The following PALS1 variants were observed in gnomAD, a reference collection of about 807,000 sequenced individuals.
PALS1 encodes the protein protein PALS1.
A neutral mutation model predicts 78.9 loss-of-function variants in PALS1; 31 were observed. The observed-to-expected ratio is 0.39, with a 90% CI of 0.30 to 0.53. The LOEUF (loss-of-function observed/expected upper bound fraction) is 0.53. PALS1 is among the 20% of genes least tolerant of loss of function. PALS1 has a pLI of 0.67. For synonymous variants in PALS1, 276 were observed against 270.9 expected, an observed-to-expected ratio of 1.02 and a Z score of -0.18; for missense variants, 704 against 826.5, an observed-to-expected ratio of 0.85 and a Z score of 1.82.
chr14:67,265,983 ATT>A (rs2084316382), intron 1 of PALS1, among the ~76,000 whole-genome samples: 2 of 152,090 alleles, frequency 1.3e-5, no homozygotes, highest in South Asian at 4.1e-4. Context: ...AGTATTATTT[ATT>A]TTTTGTAGAG....
intron 8 of PALS1, among the ~76,000 whole-genome samples, chr14:67,305,483 G>A (rs2084988694): frequency 6.6e-6 from 1 of 152,138 alleles, no homozygotes; most frequent in African/African-American, 2.4e-5. Flanking sequence ...CTTTCACTAT[G>A]TTGCCCAGGC....
chr14:67,294,910 G>T (rs1197971773), intron 4 of PALS1: 1 of 151,966 alleles, frequency 6.6e-6, no homozygotes, highest in Non-Finnish European at 1.5e-5. Flanking sequence ...CTGACCTCGT[G>T]ATCCACCCAC....
chr14:67,308,582 GT>G (rs1405956695), intron 8 of PALS1, among the ~76,000 whole-genome samples: 2 of 124,534 alleles, frequency 1.6e-5, no homozygotes, highest in Non-Finnish European at 3.2e-5. Context: ...GTTTCACTCT[GT>G]TGTCCAGGCT....
chr14:67,281,006 C>A (rs1567518513), intron 3 of PALS1, among the ~76,000 whole-genome samples: 1 of 151,556 alleles, frequency 6.6e-6, no homozygotes, highest in East Asian at 1.9e-4. Context: ...TCAAGTGATT[C>A]TCCTGCCTTA....
At chr14:67,270,346 T>A (rs574217491) in intron 2 of PALS1, 1 of 152,346 alleles carries the variant, frequency 6.6e-6, no homozygotes, top group South Asian at 2.1e-4. Flanking sequence ...TAAAGATTTT[T>A]GTATTTGTGT....
rs547252678 is a variant in PALS1, at chr14:67,333,106, C to T, written c.*150C>T. 1.6e-5 allele frequency: 10 copies of T among 634,244 alleles called. No individual in the cohort carries two copies. Among genetic ancestry groups the T allele is most frequent in the African/African-American group, 7.4e-5 (4 of 54,006 alleles). The allele number at this position is 634,244 out of a possible 1,614,324, so 39.3% of individuals were successfully genotyped here. A position where few individuals can be genotyped will look rare whatever the true frequency, so the allele number is the denominator to read the frequency against. ...TCTTAGATCTCTTGAATTAGTGAGA[C>T]GACAGTTCCCTTAGGCAGTTTGTGC... On this transcript the variant is annotated 3_prime_UTR_variant, in exon 15 of 15. Transcript: ENST00000261681.
intron 3 of PALS1, among the ~76,000 whole-genome samples, chr14:67,280,489 G>A (rs2084586444): frequency 6.6e-6 from 1 of 152,134 alleles, no homozygotes; most frequent in Admixed American, 6.5e-5. Context: ...ATTGTTTCAT[G>A]TAATAAAATA....
intron 1 of PALS1, among the ~76,000 whole-genome samples, chr14:67,260,710 G>A (rs1381651161): frequency 6.6e-6 from 1 of 152,038 alleles, no homozygotes; most frequent in African/African-American, 2.4e-5. Flanking sequence ...AATATAAGCA[G>A]TATGTCAAAG....
Position 67,320,294 on chromosome 14 carries a change from G to A in PALS1, c.1434G>A (p.Arg478=). 6.2e-7 allele frequency: 1 copy of A among 1,613,792 alleles called. No homozygotes were observed. Among genetic ancestry groups the A allele is most frequent in the Non-Finnish European group, 8.5e-7 (1 of 1,179,906 alleles). The change falls in exon 12 of 15, where the codon AGG becomes AGA. Residue 478 remains arginine (R), a synonymous_variant. Transcript: ENST00000261681. The part of the protein sequence containing the change: ...EMSLYHQPAN[R]KRPIILIGPQ... ...CACTTTATCATCAGCCAGCAAATAG[G>A]AAGAGACCTATCATCTTGATTGGTC...
intron 1 of PALS1, among the ~76,000 whole-genome samples, chr14:67,259,455 A>G (rs897924676): frequency 6.6e-6 from 1 of 151,990 alleles, no homozygotes; most frequent in Non-Finnish European, 1.5e-5. Context: ...TACTAAAAAT[A>G]TAAAAAATCA....
At chr14:67,266,058 C>G (rs1336250964) in intron 1 of PALS1, among the ~76,000 whole-genome samples, 1 of 152,132 alleles carries the variant, frequency 6.6e-6, no homozygotes, top group Non-Finnish European at 1.5e-5. Flanking sequence ...ACTCCTGTCT[C>G]TGCTTCCCAA....
Position 67,302,492 on chromosome 14 carries a change from T to A in PALS1, c.884T>A (p.Leu295Ter). 1 of 1,598,464 alleles carries A rather than the reference T, an allele frequency of 6.3e-7. No homozygotes were observed. Among genetic ancestry groups the A allele is most frequent in the Non-Finnish European group, 8.5e-7 (1 of 1,172,666 alleles). Residue 295 changes from leucine (L) to a stop codon, truncating the protein, a stop_gained, in exon 7 of 15, where the codon TTG (leucine) becomes TAG (stop). Coordinates refer to ENST00000261681, the MANE Select transcript of PALS1 (RefSeq NM_022474.4). LOFTEE classifies it high-confidence loss of function. ...GGTGCTGCAGAGAAAAGTGGTCTGT[T>A]GCATGAAGGAGATGAAGTTCTAGAG... ...KGGAAEKSGL[L>*]HEGDEVLEIN...
At chr14:67,328,203 G>C (rs370765547) in intron 14 of PALS1, among the ~76,000 whole-genome samples, 2 of 152,124 alleles carry the variant, frequency 1.3e-5, no homozygotes, top group African/African-American at 4.8e-5. Flanking sequence ...ATCTCATTGT[G>C]GTTTTGATTT....
intron 2 of PALS1, among the ~76,000 whole-genome samples, chr14:67,272,316 CTT>C (rs948695842): frequency 1.3e-5 from 2 of 152,182 alleles, no homozygotes; most frequent in African/African-American, 4.8e-5. Flanking sequence ...CACCTTTCAT[CTT>C]CCCACCTTTG....
At chr14:67,313,669 T>C (rs1386353354) in intron 9 of PALS1, among the ~76,000 whole-genome samples, 1 of 152,202 alleles carries the variant, frequency 6.6e-6, no homozygotes, top group Non-Finnish European at 1.5e-5. Context: ...TCCATTTATT[T>C]GTTAATAAAT....
At chr14:67,297,516 G>A (rs947033103) in intron 4 of PALS1, among the ~76,000 whole-genome samples, 7 of 152,154 alleles carry the variant, frequency 4.6e-5, no homozygotes, top group Middle Eastern at 6.8e-3. Context: ...ACATGATTGC[G>A]AATCTACTGA....
intron 3 of PALS1, among the ~76,000 whole-genome samples, chr14:67,281,086 A>AC (rs1210809788): frequency 6.6e-6 from 1 of 151,404 alleles, no homozygotes; most frequent in Non-Finnish European, 1.5e-5. Context: ...TTTAGTAGAG[A>AC]CCGGGTTTCA....
At chr14:67,300,383 A>G (rs2084914732) in intron 4 of PALS1, among the ~76,000 whole-genome samples, 1 of 147,716 alleles carries the variant, frequency 6.8e-6, no homozygotes, top group South Asian at 2.1e-4. Flanking sequence ...GCTGGAATGC[A>G]GTGGCGCCAT....
At position 67,311,792 on chromosome 14, in the gene PALS1, TTAA is replaced by T. The variant is rs555979894; in HGVS notation, c.1042-729_1042-727del. Among the ~76,000 whole-genome samples the T allele has an allele frequency of 2.3e-4, 35 of 152,324 alleles. 1 individual carries two copies. Among genetic ancestry groups the T allele is most frequent in the Non-Finnish European group, 4.1e-4 (28 of 68,026 alleles). On this transcript the variant is annotated intron_variant, in intron 8 of 14. Transcript: ENST00000261681. ...TTAGCAAAAATTATAACTTGTACCG[TTAA>T]TAATATGTCAAAGCCTACATAGCAT...
Sources: gnomAD v4.1 joint callset for allele counts (sites outside exome capture counted in the v4.1 genomes callset) on GRCh38, gnomAD v4.1.1 for gene constraint, MANE v1.5 for transcripts, NCBI Gene and HGNC (gene_info 2026-07-23, HGNC 2026-07-21) for gene names.